Variants in GRB10 observed in about 807,000 individuals in gnomAD.
GRB10 encodes the protein growth factor receptor bound protein 10.
A neutral mutation model predicts 80.9 loss-of-function variants in GRB10; 20 were observed. The observed-to-expected ratio is 0.25, with a 90% CI of 0.17 to 0.36. The LOEUF is 0.36. Ranked by LOEUF, GRB10 falls within the 10% of genes least tolerant of loss-of-function variation. The probability of loss-of-function intolerance (pLI) is 1.00; values close to 1 mark genes in which losing one functional copy is unlikely to be tolerated. For missense variants in GRB10, 548 were observed against 747.7 expected, an observed-to-expected ratio of 0.73 and a Z score of 3.12; for synonymous variants, 291 against 291.5, an observed-to-expected ratio of 1.00 and a Z score of 0.02.
chr7:50,711,175 T>TA lies in GRB10; in HGVS notation c.52-7268dup, dbSNP rs60661876. On this transcript the variant is annotated intron_variant, in intron 4 of 18. Transcript: ENST00000401949. Reference sequence around the variant, plus strand: ...GGTATGCAAAAACAGCCAACCAAATTAAAAAAAAAAAAAAAGCAACAGATG... The same window carrying TA: ...GGTATGCAAAAACAGCCAACCAAATTAAAAAAAAAAAAAAAAGCAACAGATG... Among the ~76,000 whole-genome samples the TA allele has an allele frequency of 9.8e-3, 1,407 of 143,368 alleles. 24 individuals carry two copies. The highest frequency in any genetic ancestry group is 0.034 in the African/African-American group (1,304 of 38,530). The allele number at this position is 143,368 out of a possible 152,430, so 94.1% of individuals were successfully genotyped here. A position where few individuals can be genotyped will look rare whatever the true frequency, so the allele number is the denominator to read the frequency against.
chr7:50,643,786 T>C (rs1023825060), intron 7 of GRB10, among the ~76,000 whole-genome samples: 17 of 152,170 alleles, frequency 1.1e-4, no homozygotes, highest in African/African-American at 4.1e-4. Context: ...TATGTGCATA[T>C]ATGTATCTCT....
At chr7:50,758,758 G>A (rs1455446918) in intron 2 of GRB10, among the ~76,000 whole-genome samples, 4 of 152,348 alleles carry the variant, frequency 2.6e-5, no homozygotes, top group Middle Eastern at 3.4e-3. Flanking sequence ...CCCAGAGTAA[G>A]AGGGTGCTTA....
rs563616858 is a variant in GRB10, at chr7:50,708,071, A to C, written c.52-4163T>G. ...TAATAACTAATAATTTTTTGGTATAAGTATGTGGCAAATATTTCATGAGAC... is the reference window on the plus strand; with the variant it reads ...TAATAACTAATAATTTTTTGGTATACGTATGTGGCAAATATTTCATGAGAC... On this transcript the variant is annotated intron_variant, in intron 4 of 18. Coordinates refer to ENST00000401949, the MANE Select transcript of GRB10 (RefSeq NM_001350814.2). 1.5e-4 allele frequency among the ~76,000 whole-genome samples: 23 copies of C among 152,374 alleles called. No individual in the cohort carries two copies. The South Asian group carries it at 4.8e-3, about 32-fold the overall frequency.
chr7:50,733,306 G>A (rs1162207372), intron 3 of GRB10, among the ~76,000 whole-genome samples: 1 of 152,202 alleles, frequency 6.6e-6, no homozygotes, highest in Non-Finnish European at 1.5e-5. Flanking sequence ...CAGACTGCGG[G>A]AAATGGATTT....
At chr7:50,680,050 T>C (rs2061381902) in intron 5 of GRB10, among the ~76,000 whole-genome samples, 1 of 152,252 alleles carries the variant, frequency 6.6e-6, no homozygotes, top group Non-Finnish European at 1.5e-5. Context: ...CCAGGTATTA[T>C]ATGGTTAGAG....
intron 5 of GRB10, among the ~76,000 whole-genome samples, chr7:50,689,422 C>T (rs1040004307): frequency 1.3e-5 from 2 of 152,192 alleles, no homozygotes; most frequent in Non-Finnish European, 2.9e-5. Context: ...TCAGGACTAT[C>T]GTGAAAGACT....
chr7:50,637,904 T>A (rs1205682162), intron 7 of GRB10, among the ~76,000 whole-genome samples: 1 of 152,136 alleles, frequency 6.6e-6, no homozygotes, highest in African/African-American at 2.4e-5. Flanking sequence ...GCCACATACT[T>A]ACAACCAACT....
chr7:50,621,996 C>G (rs1585829320), intron 8 of GRB10, among the ~76,000 whole-genome samples: 1 of 152,330 alleles, frequency 6.6e-6, no homozygotes, highest in East Asian at 1.9e-4. Context: ...CATGGCAGAG[C>G]CGGTGCACGG....
At chr7:50,756,342 C>T (rs1233760326) in intron 2 of GRB10, among the ~76,000 whole-genome samples, 1 of 152,210 alleles carries the variant, frequency 6.6e-6, no homozygotes, top group Non-Finnish European at 1.5e-5. Flanking sequence ...GCCTCCAAGG[C>T]AGGCGGGGTA....
chr7:50,599,231 C>T (rs542088405), intron 17 of GRB10, among the ~76,000 whole-genome samples: 5 of 152,112 alleles, frequency 3.3e-5, no homozygotes, highest in East Asian at 1.9e-4. Context: ...GAATACTTGA[C>T]GGGCTTATTT....
intron 4 of GRB10, chr7:50,711,108 C>A: frequency 3.9e-5 from 22 of 561,700 alleles, no homozygotes; most frequent in Non-Finnish European, 4.5e-5. Context: ...AATGCCCGAT[C>A]ATAACCTACA....
intron 7 of GRB10, among the ~76,000 whole-genome samples, chr7:50,661,747 C>A (rs531457235): frequency 1.3e-5 from 2 of 152,136 alleles, no homozygotes; most frequent in Non-Finnish European, 2.9e-5. Context: ...GGGGTCAGTG[C>A]GCCCCACATG....
rs148145615 is a variant in GRB10 at position 50,604,100 on chromosome 7, C to T, written c.1457-15G>A. On this transcript the variant is annotated splice_polypyrimidine_tract_variant and intron_variant, in intron 16 of 18. Coordinates refer to ENST00000401949, the MANE Select transcript of GRB10 (RefSeq NM_001350814.2). ...CCTGTGAATCACTGTGGGGGGAAGA[C>T]AGGAGGAGGGTAGGATGGTGGTGCC... 1.8e-3 allele frequency: 2,873 copies of T among 1,606,156 alleles called. 3 individuals are homozygous for T. The highest frequency in any genetic ancestry group is 2.3e-3 in the Non-Finnish European group (2,730 of 1,172,814).
intron 4 of GRB10, among the ~76,000 whole-genome samples, chr7:50,709,472 G>A (rs750177361): frequency 6.6e-6 from 1 of 152,064 alleles, no homozygotes; most frequent in Non-Finnish European, 1.5e-5. Context: ...TTGCACAAAT[G>A]CCCCCTGGCC....
At chr7:50,668,764 C>T (rs1227501704) in intron 7 of GRB10, among the ~76,000 whole-genome samples, 1 of 152,200 alleles carries the variant, frequency 6.6e-6, no homozygotes, top group Non-Finnish European at 1.5e-5. Flanking sequence ...ACAGCCCTGC[C>T]AACCGGTGGG....
At chr7:50,679,070 G>A (rs2061279888) in intron 5 of GRB10, among the ~76,000 whole-genome samples, 1 of 152,124 alleles carries the variant, frequency 6.6e-6, no homozygotes, top group African/African-American at 2.4e-5. Context: ...TGTATTTTCT[G>A]CACAAATATA....
intron 17 of GRB10, among the ~76,000 whole-genome samples, chr7:50,597,413 T>G (rs1479210485): frequency 6.6e-6 from 1 of 151,894 alleles, no homozygotes; most frequent in Non-Finnish European, 1.5e-5. Context: ...CGCTGGTGCA[T>G]GCTGGGCAGC....
intron 17 of GRB10, among the ~76,000 whole-genome samples, chr7:50,597,082 C>A (rs777408123): frequency 6.6e-6 from 1 of 152,186 alleles, no homozygotes; most frequent in Non-Finnish European, 1.5e-5. Flanking sequence ...TTAAATAAGA[C>A]TGGAAAATCC....
chr7:50,607,395 A>G (rs1477665450), intron 13 of GRB10, among the ~76,000 whole-genome samples: 1 of 152,222 alleles, frequency 6.6e-6, no homozygotes, highest in Non-Finnish European at 1.5e-5. Flanking sequence ...AAATCATTCA[A>G]CTTCACATTC....
Sources: allele counts gnomAD v4.1 joint callset (sites outside exome capture counted in the v4.1 genomes callset), GRCh38; gene constraint gnomAD v4.1.1; transcripts MANE v1.5; gene names NCBI Gene and HGNC (gene_info 2026-07-23, HGNC 2026-07-21).